The following ABCC1 variants were observed in gnomAD, a reference collection of about 807,000 sequenced individuals.
ABCC1 encodes multidrug resistance-associated protein 1.
Under a neutral mutation model 172.9 loss-of-function variants are expected in ABCC1, and 83 were observed. That is an observed-to-expected ratio of 0.48 (90% CI 0.40 to 0.58). ABCC1 has a LOEUF of 0.58. Among genes scored for constraint, ABCC1 ranks in the 20% least tolerant of loss-of-function variants. ABCC1 has a pLI of 0.00. For missense variants in ABCC1, 1,817 were observed against 2,002.7 expected (o/e 0.91, Z 1.77); for synonymous variants, 937 against 825.2 (o/e 1.14, Z -2.32).
intron 4 of ABCC1, among the ~76,000 whole-genome samples, chr16:16,015,993 C>A (rs11639546): frequency 1.3e-5 from 2 of 152,080 alleles, no homozygotes; most frequent in Non-Finnish European, 2.9e-5. Flanking sequence ...CAAGCCCTGT[C>A]TTCCTCCCAT....
chr16:16,124,481 A>G (rs983547840), intron 24 of ABCC1, among the ~76,000 whole-genome samples: 1 of 151,364 alleles, frequency 6.6e-6, no homozygotes, highest in East Asian at 1.9e-4. Context: ...AAAGGCTTCA[A>G]TGAGAAAAAA....
chr16:16,082,684 T>G (rs928238982), intron 16 of ABCC1, among the ~76,000 whole-genome samples: 2 of 152,178 alleles, frequency 1.3e-5, no homozygotes, highest in Admixed American at 1.3e-4. Flanking sequence ...TGCTCTGTGG[T>G]CCAGGCTGGA....
chr16:16,018,800 T>G (rs1362452330), intron 5 of ABCC1, among the ~76,000 whole-genome samples: 1 of 27,258 alleles, frequency 3.7e-5, no homozygotes, highest in Non-Finnish European at 8.9e-5. Context: ...TGTATGTGTG[T>G]GTTTGTGTGT....
At chr16:16,033,227 A>G in intron 6 of ABCC1, 57 bp downstream of exon 6, 2 of 1,498,718 alleles carry the variant, frequency 1.3e-6, no homozygotes, top group Non-Finnish European at 1.9e-6. Flanking sequence ...GAATGAATGA[A>G]TGAACGAATG....
intron 28 of ABCC1, 146 bp from the exon 29 acceptor site, chr16:16,136,332 C>T (rs2045916523): frequency 2.2e-6 from 2 of 927,876 alleles, no homozygotes; most frequent in Non-Finnish European, 3.1e-6. Context: ...CCTTTTTCTC[C>T]ATTATTAACA....
In ABCC1 at chr16:16,044,455, C is replaced by A; in HGVS notation, c.815C>A (p.Pro272Gln). ...TTCACCTCCTTGTGTTCCAGGCAGCCGGTGAAGGTTGTGTACTCCTCCAAG... is the reference window on the plus strand; with the variant it reads ...TTCACCTCCTTGTGTTCCAGGCAGCAGGTGAAGGTTGTGTACTCCTCCAAG... ...KKECAKTRKQ[P>Q]VKVVYSSKDP... Residue 272 changes from proline (P) to glutamine (Q), a missense_variant, in exon 8 of 31, where the codon CCG becomes CAG. Pro to Gln is a moderately conservative substitution (Grantham distance 76, BLOSUM62 -1). Coordinates refer to ENST00000399410, the MANE Select transcript of ABCC1 (RefSeq NM_004996.4). 6.2e-7 allele frequency: 1 copy of A among 1,613,784 alleles called. No homozygotes were observed.
chr16:16,124,409 GTA>G lies in ABCC1; in HGVS notation c.3591-378_3591-377del, dbSNP rs1425976424. Among the ~76,000 whole-genome samples the G allele has an allele frequency of 1.3e-3, 185 of 146,280 alleles. 1 individual carries two copies. The highest frequency in any genetic ancestry group is 4.3e-3 in the African/African-American group (162 of 37,438). ...TGTGTGTGTGTGTGTGTGTGTGTGT[GTA>G]TGTGTGTGTGTGTGATTATAGGAGT... On this transcript the variant is annotated intron_variant, in intron 24 of 30. Coordinates refer to ENST00000399410, the MANE Select transcript of ABCC1 (RefSeq NM_004996.4).
chr16:16,050,895 C>T (rs2049403205), intron 10 of ABCC1, among the ~76,000 whole-genome samples: 1 of 151,784 alleles, frequency 6.6e-6, no homozygotes, highest in African/African-American at 2.4e-5. Flanking sequence ...CAAGGCAAGA[C>T]CCTGTCTCTA....
At chr16:16,136,011 G>T (rs1434090822) in intron 28 of ABCC1, among the ~76,000 whole-genome samples, 2 of 60,842 alleles carry the variant, frequency 3.3e-5, no homozygotes, top group Non-Finnish European at 7.3e-5. Flanking sequence ...AGACTTTCCA[G>T]ACTTTTTTTT....
intron 1 of ABCC1, among the ~76,000 whole-genome samples, chr16:16,003,168 A>G (rs554676314): frequency 6.6e-6 from 1 of 152,168 alleles, no homozygotes; most frequent in South Asian, 2.1e-4. Context: ...AGATGGATTG[A>G]TGGGTGAATG....
At chr16:16,139,540 A>T (rs1027213994) in intron 30 of ABCC1, among the ~76,000 whole-genome samples, 1 of 124,358 alleles carries the variant, frequency 8.0e-6, no homozygotes, top group Non-Finnish European at 1.6e-5. Flanking sequence ...TGAACCTGGG[A>T]GGTGGAGGTT....
At chr16:16,073,883 ATG>A (rs1439801004) in intron 14 of ABCC1, among the ~76,000 whole-genome samples, 1 of 152,230 alleles carries the variant, frequency 6.6e-6, no homozygotes, top group African/African-American at 2.4e-5. Context: ...AGAAGATTGA[ATG>A]TGTGTAAACG....
At chr16:16,098,745 C>T in intron 19 of ABCC1, 1 of 798,878 alleles carries the variant, frequency 1.3e-6, no homozygotes, top group Admixed American at 2.0e-5. Flanking sequence ...ATGGAGCAGA[C>T]CCTTCAGCCA....
chr16:16,014,430 A>G, intron 3 of ABCC1, 61 bp from the exon 4 acceptor site: 2 of 1,580,006 alleles, frequency 1.3e-6, no homozygotes, highest in Non-Finnish European at 1.7e-6. Context: ...CTGGGTGACA[A>G]GAGTGAAACT....
At chr16:15,985,228 C>T (rs896351691) in intron 1 of ABCC1, among the ~76,000 whole-genome samples, 6 of 152,166 alleles carry the variant, frequency 3.9e-5, no homozygotes, top group African/African-American at 1.2e-4. Flanking sequence ...GTGGATGTAG[C>T]GGGTATTTCA....
intron 23 of ABCC1, among the ~76,000 whole-genome samples, chr16:16,119,091 G>T: frequency 6.6e-6 from 1 of 152,292 alleles, no homozygotes; most frequent in Middle Eastern, 3.4e-3. Context: ...TCTCAGAGAT[G>T]TTATAGTGAT....
intron 1 of ABCC1, among the ~76,000 whole-genome samples, chr16:15,970,460 A>G (rs1198939524): frequency 6.6e-6 from 1 of 152,206 alleles, no homozygotes; most frequent in Non-Finnish European, 1.5e-5. Context: ...TTACTCAGGG[A>G]TGAGGGAGAG....
intron 18 of ABCC1, among the ~76,000 whole-genome samples, chr16:16,088,906 A>T (rs1475658339): frequency 6.6e-6 from 1 of 152,096 alleles, no homozygotes; most frequent in African/African-American, 2.4e-5. Flanking sequence ...GACAGGTCTC[A>T]CTATGTTTCC....
At chr16:16,036,903 A>G (rs1469919485) in intron 7 of ABCC1, among the ~76,000 whole-genome samples, 1 of 152,174 alleles carries the variant, frequency 6.6e-6, no homozygotes, top group African/African-American at 2.4e-5. Context: ...CGGGAGTTTG[A>G]GACCAGCCTG....
Sources: allele counts gnomAD v4.1 joint callset (sites outside exome capture counted in the v4.1 genomes callset), GRCh38; gene constraint gnomAD v4.1.1; transcripts MANE v1.5; gene names NCBI Gene and HGNC (gene_info 2026-07-23, HGNC 2026-07-21).